Variants in EFCAB10 observed in about 807,000 individuals in gnomAD.
EFCAB10 encodes EF-hand calcium-binding domain-containing protein 10.
A neutral mutation model predicts 7.7 loss-of-function variants in EFCAB10; 7 were observed. The observed-to-expected ratio is 0.91, with a 90% CI of 0.52 to 1.72. The LOEUF (loss-of-function observed/expected upper bound fraction) is 1.72, where lower values mean the gene tolerates loss of function less well. Ranked by LOEUF, EFCAB10 falls within the 40% of genes most tolerant of loss-of-function variation. EFCAB10 has a pLI of 0.00. For missense variants in EFCAB10, 112 were observed against 61.5 expected, an observed-to-expected ratio of 1.82 and a Z score of -2.74; for synonymous variants, 52 against 21.0, an observed-to-expected ratio of 2.47 and a Z score of -4.03.
At chr7:105,576,431 G>A (rs1182591282) in intron 1 of EFCAB10, among the ~76,000 whole-genome samples, 1 of 150,576 alleles carries the variant, frequency 6.6e-6, no homozygotes, top group Non-Finnish European at 1.5e-5. Flanking sequence ...GATATTTTAA[G>A]GAATTCTCAT....
rs1791646657 is a variant in EFCAB10 at position 105,565,180 on chromosome 7, G to A, written c.*267C>T. The A allele has an allele frequency of 9.8e-7, 1 of 1,021,076 alleles. No homozygotes were observed. The highest frequency in any genetic ancestry group is 2.9e-5 in the Admixed American group (1 of 34,626). The allele number at this position is 1,021,076 out of a possible 1,614,324, so 63.3% of individuals were successfully genotyped here. A position where few individuals can be genotyped will look rare whatever the true frequency, so the allele number is the denominator to read the frequency against. On this transcript the variant is annotated 3_prime_UTR_variant, in exon 5 of 5. Transcript: ENST00000480514. ...CTGTATATTTTTTCTTATCCAAAATGCCCTAGGACAGAACACTTCCTCAAA... is the reference window on the plus strand; with the variant it reads ...CTGTATATTTTTTCTTATCCAAAATACCCTAGGACAGAACACTTCCTCAAA...
intron 1 of EFCAB10, among the ~76,000 whole-genome samples, chr7:105,577,987 C>G (rs552118255): frequency 4.3e-4 from 65 of 152,204 alleles, no homozygotes; most frequent in Non-Finnish European, 8.7e-4. Flanking sequence ...TGGTCTCGAA[C>G]TCCTGACCTC....
intron 1 of EFCAB10, among the ~76,000 whole-genome samples, chr7:105,570,268 T>TATATATACACAC (rs1188257284): frequency 4.5e-5 from 3 of 66,456 alleles, no homozygotes; most frequent in Admixed American, 2.4e-4. Context: ...TATATATATA[T>TATATATACACAC]ACACACACAC....
intron 1 of EFCAB10, among the ~76,000 whole-genome samples, chr7:105,570,240 A>AAATATATAT (rs35907051): frequency 4.0e-5 from 1 of 24,910 alleles, no homozygotes; most frequent in Admixed American, 6.6e-4. Context: ...AAAAAAAAAA[A>AAATATATAT]ATATATATAT....
At chr7:105,566,078 G>A (rs1286072804) in intron 4 of EFCAB10, among the ~76,000 whole-genome samples, 1 of 151,294 alleles carries the variant, frequency 6.6e-6, no homozygotes, top group Non-Finnish European at 1.5e-5. Context: ...GACCATCCTG[G>A]CTAACATAGT....
At chr7:105,567,314 T>C (rs1791810627) in intron 4 of EFCAB10, 153 bp downstream of exon 4, 6 of 1,573,346 alleles carry the variant, frequency 3.8e-6, no homozygotes, top group Non-Finnish European at 5.2e-6. Flanking sequence ...GAAAATAATG[T>C]CTTTCAGAAA....
chr7:105,572,961 A>G (rs1033357158), intron 1 of EFCAB10: 1 of 151,716 alleles, frequency 6.6e-6, no homozygotes, highest in Non-Finnish European at 1.5e-5. Context: ...TGTATCTTCT[A>G]TGGAAAAATG....
At position 105,569,536 on chromosome 7, in the gene EFCAB10, G is replaced by A. The variant is rs1269295014; in HGVS notation, c.142C>T (p.Arg48Ter). ...PKEYLISLLE[R>*]LRIAKVTGVA... ...CCTGTTACTTTTGCAATTCTCAGTC[G>A]TTCCAATAGAGATATTAAATATTCT... Residue 48 changes from arginine (R) to a stop codon, truncating the protein, a stop_gained, in exon 2 of 5, where the codon CGA becomes TGA. Transcript: ENST00000480514. LOFTEE classifies it high-confidence loss of function. 2.1e-5 allele frequency: 15 copies of A among 701,384 alleles called. No homozygotes were observed. The highest frequency in any genetic ancestry group is 1.1e-4 in the East Asian group (4 of 37,286). The allele number at this position is 701,384 out of a possible 1,614,324, so 43.4% of individuals were successfully genotyped here.
intron 1 of EFCAB10, among the ~76,000 whole-genome samples, chr7:105,570,260 TATATATATAC>T (rs1791912077): frequency 1.0e-5 from 1 of 95,614 alleles, no homozygotes; most frequent in Admixed American, 1.4e-4. Context: ...TATATATATA[TATATATATAC>T]ACACACACAC....
In EFCAB10 at chr7:105,581,288, G is replaced by A. The variant is rs1005229180; in HGVS notation, c.106+70C>T. The A allele has an allele frequency of 4.4e-6, 3 of 687,418 alleles. No individual in the cohort carries two copies. In the East Asian group the frequency reaches 8.1e-5, roughly 19 times the overall value. 42.6% of individuals were successfully genotyped at this position (687,418 alleles called of 1,614,324 possible). On this transcript the variant is annotated intron_variant, in intron 1 of 4. Transcript: ENST00000480514. ...GAGGCAGTGGAAAGCGAATGTGTAA[G>A]AGGGGGGTTTCGTGTGGGAAGCGAA... is the stretch of plus-strand genomic sequence containing the variant.
intron 1 of EFCAB10, 97 bp downstream of exon 1, chr7:105,581,261 G>A: frequency 1.5e-6 from 1 of 658,286 alleles, no homozygotes. Context: ...TCACGTGGCT[G>A]GGAGGCAGTG....
intron 4 of EFCAB10, 124 bp downstream of exon 4, chr7:105,567,343 G>A: frequency 6.7e-7 from 1 of 1,491,292 alleles, no homozygotes; most frequent in South Asian, 1.2e-5. Context: ...TTTGGTTTTT[G>A]TTTCTAAGAA....
chr7:105,565,504 G>GTT, intron 4 of EFCAB10, 57 bp from the exon 5 acceptor site: 1 of 1,610,680 alleles, frequency 6.2e-7, no homozygotes, highest in Non-Finnish European at 8.5e-7. Flanking sequence ...AAAGACAACT[G>GTT]TTATATGAAT....
chr7:105,576,487 G>A (rs1241636514), intron 1 of EFCAB10, among the ~76,000 whole-genome samples: 1 of 152,064 alleles, frequency 6.6e-6, no homozygotes, highest in Non-Finnish European at 1.5e-5. Context: ...CTGTTGCCCA[G>A]GCTGGAGTGC....
At chr7:105,567,435 T>C (rs1413036338) in intron 4 of EFCAB10, 32 bp downstream of exon 4, 2 of 759,768 alleles carry the variant, frequency 2.6e-6, no homozygotes, top group South Asian at 3.0e-5. Context: ...TTACTTATTA[T>C]CTTGGATTTA....
chr7:105,581,288 G>C (rs1005229180), intron 1 of EFCAB10, 70 bp downstream of exon 1: 1 of 687,536 alleles, frequency 1.5e-6, no homozygotes, highest in South Asian at 1.5e-5. Flanking sequence ...GAATGTGTAA[G>C]AGGGGGGTTT....
intron 4 of EFCAB10, chr7:105,566,175 G>A (rs1418984599): frequency 6.6e-6 from 1 of 151,938 alleles, no homozygotes; most frequent in Non-Finnish European, 1.5e-5. Context: ...CTGCTTGGGA[G>A]GCTGAGGCAG....
At chr7:105,575,435 A>G (rs1586290508) in intron 1 of EFCAB10, among the ~76,000 whole-genome samples, 1 of 152,254 alleles carries the variant, frequency 6.6e-6, no homozygotes, top group African/African-American at 2.4e-5. Context: ...CAGCCTCCCA[A>G]GTAGCTGGGA....
intron 1 of EFCAB10, among the ~76,000 whole-genome samples, chr7:105,580,086 C>T (rs1249909099): frequency 1.3e-5 from 2 of 151,966 alleles, no homozygotes; most frequent in Non-Finnish European, 2.9e-5. Flanking sequence ...CCCAGGTTCA[C>T]GTGATCCTCC....
Sources: allele counts gnomAD v4.1 joint callset (sites outside exome capture counted in the v4.1 genomes callset), GRCh38; gene constraint gnomAD v4.1.1; transcripts MANE v1.5; gene names NCBI Gene and HGNC (gene_info 2026-07-23, HGNC 2026-07-21).